The following RBMS3 variants were observed in gnomAD, a reference collection of about 807,000 sequenced individuals.
RBMS3 encodes the protein RNA binding motif single stranded interacting protein 3, also known as RNA-binding motif, single-stranded-interacting protein 3.
A neutral mutation model predicts 66.8 loss-of-function variants in RBMS3; 27 were observed. That is an observed-to-expected ratio of 0.40 (90% CI 0.30 to 0.56). The LOEUF (loss-of-function observed/expected upper bound fraction) is 0.56, where lower values mean the gene tolerates loss of function less well. Ranked by LOEUF, RBMS3 falls within the 20% of genes least tolerant of loss-of-function variation. The probability of loss-of-function intolerance (pLI) is 0.40; values close to 1 mark genes in which losing one functional copy is unlikely to be tolerated. For missense variants in RBMS3, 513 were observed against 549.5 expected (o/e 0.93, Z 0.66); for synonymous variants, 188 against 183.0 (o/e 1.03, Z -0.22).
intron 6 of RBMS3, among the ~76,000 whole-genome samples, chr3:29,788,093 G>A (rs61154916): frequency 1.3e-5 from 2 of 151,738 alleles, no homozygotes; most frequent in African/African-American, 4.8e-5. Flanking sequence ...TCCAGAGGCT[G>A]CTCCTGAATC....
At chr3:29,978,461 C>G (rs771420877) in intron 12 of RBMS3, among the ~76,000 whole-genome samples, 44 of 151,018 alleles carry the variant, frequency 2.9e-4, no homozygotes, top group Non-Finnish European at 5.9e-4. Context: ...AAAAAGCAAG[C>G]AGAAAGATTT....
intron 4 of RBMS3, among the ~76,000 whole-genome samples, chr3:29,734,300 C>A (rs558260551): frequency 1.3e-5 from 2 of 152,148 alleles, no homozygotes; most frequent in South Asian, 4.2e-4. Flanking sequence ...AAAATTACAG[C>A]TAGTGAGGAT....
chr3:29,936,636 T>C (rs2061272058), intron 11 of RBMS3, among the ~76,000 whole-genome samples: 2 of 151,994 alleles, frequency 1.3e-5, no homozygotes, highest in South Asian at 4.1e-4. Context: ...CAATAAAGAG[T>C]AATTGAGGTA....
intron 1 of RBMS3, among the ~76,000 whole-genome samples, chr3:29,323,691 TACACACACACACACAC>T (rs10565045): frequency 1.4e-5 from 2 of 144,270 alleles, no homozygotes; most frequent in African/African-American, 2.5e-5. Flanking sequence ...CACACACACA[TACACACACACACACAC>T]ACACACACAC....
chr3:29,445,271 A>AGAAG (rs2041782781), intron 2 of RBMS3, among the ~76,000 whole-genome samples: 1 of 152,038 alleles, frequency 6.6e-6, no homozygotes, highest in Non-Finnish European at 1.5e-5. Context: ...CTGAGGTGAA[A>AGAAG]GAAGGAAGGT....
chr3:29,871,527 G>C (rs2059491236), intron 7 of RBMS3, among the ~76,000 whole-genome samples: 2 of 152,186 alleles, frequency 1.3e-5, no homozygotes, highest in African/African-American at 4.8e-5. Context: ...ACTTTATAAA[G>C]AGATCATTTG....
intron 5 of RBMS3, among the ~76,000 whole-genome samples, chr3:29,749,075 G>A (rs1487119585): frequency 6.6e-6 from 1 of 152,060 alleles, no homozygotes; most frequent in East Asian, 1.9e-4. Flanking sequence ...AACAGTGAGA[G>A]ATACATATTG....
rs1266737851 is a variant in RBMS3 at position 29,308,765 on chromosome 3, A to C, written c.75+27009A>C. 2.1e-3 allele frequency among the ~76,000 whole-genome samples: 320 copies of C among 149,520 alleles called. 4 individuals carry two copies. Among genetic ancestry groups the C allele is most frequent in the African/African-American group, 7.3e-3 (298 of 40,772 alleles). The stretch of plus-strand genomic sequence containing the variant: ...AAAAAACAAAAAAAAACAAAAAAAA[A>C]AACGGGAAAGTAAAACTGGGAAAGA... On this transcript the variant is annotated intron_variant, in intron 1 of 14. Coordinates refer to ENST00000383767, the MANE Select transcript of RBMS3 (RefSeq NM_001003793.3).
At chr3:29,962,462 G>T (rs1696535299) in intron 12 of RBMS3, among the ~76,000 whole-genome samples, 1 of 151,604 alleles carries the variant, frequency 6.6e-6, no homozygotes, top group Admixed American at 6.6e-5. Flanking sequence ...GAGGTGGGGT[G>T]TATGGGTATG....
chr3:29,718,387 G>C (rs551940131), intron 4 of RBMS3, among the ~76,000 whole-genome samples: 119 of 151,930 alleles, frequency 7.8e-4, no homozygotes, highest in African/African-American at 2.7e-3. Flanking sequence ...AGTTTATTTA[G>C]GAAGTGATCC....
intron 7 of RBMS3, among the ~76,000 whole-genome samples, chr3:29,869,405 G>A (rs1192782080): frequency 1.3e-5 from 2 of 152,128 alleles, no homozygotes; most frequent in East Asian, 3.9e-4. Context: ...ACTTGCACAT[G>A]TATGTATATT....
At position 29,644,050 on chromosome 3, in the gene RBMS3, A is replaced by C. The variant is rs1351891046; in HGVS notation, c.399+56845A>C. Among the ~76,000 whole-genome samples the C allele has an allele frequency of 2.0e-5, 3 of 152,278 alleles. No homozygotes were observed. The East Asian group carries it at 5.8e-4, about 29-fold the overall frequency. On this transcript the variant is annotated intron_variant, in intron 4 of 14. Coordinates refer to ENST00000383767, the MANE Select transcript of RBMS3 (RefSeq NM_001003793.3). Reference sequence around the variant, plus strand: ...CCGCTTCTACCCCCAGCTTTCAAACATTTCTCCAGCTTCTCATAATCACAG... The same window carrying C: ...CCGCTTCTACCCCCAGCTTTCAAACCTTTCTCCAGCTTCTCATAATCACAG...
At chr3:29,908,299 G>A (rs777767519) in intron 10 of RBMS3, among the ~76,000 whole-genome samples, 3 of 151,838 alleles carry the variant, frequency 2.0e-5, no homozygotes, top group Admixed American at 6.6e-5. Context: ...GTATGATCAT[G>A]ATCATGAAGA....
intron 1 of RBMS3, among the ~76,000 whole-genome samples, chr3:29,308,469 A>G (rs2034155327): frequency 1.3e-5 from 2 of 151,774 alleles, no homozygotes. Flanking sequence ...CTAAATCACT[A>G]AATGGTTTTA....
chr3:29,306,765 G>C (rs2034041134), intron 1 of RBMS3, among the ~76,000 whole-genome samples: 1 of 151,768 alleles, frequency 6.6e-6, no homozygotes. Context: ...GGCTCTATCT[G>C]CTTGACTTTG....
rs145031649 is a variant in RBMS3 at position 29,941,189 on chromosome 3, A to G, written c.1051-3018A>G. Among the ~76,000 whole-genome samples, 408 of 151,976 alleles carry G rather than the reference A, an allele frequency of 2.7e-3. 5 individuals carry two copies. The highest frequency in any genetic ancestry group is 8.1e-3 in the African/African-American group (336 of 41,512). On this transcript the variant is annotated intron_variant, in intron 11 of 14. Coordinates refer to ENST00000383767, the MANE Select transcript of RBMS3 (RefSeq NM_001003793.3). ...TTCCACAGTGTAACCATAGTCACTC[A>G]CAAAAATAACCTTGTAATTGTACTC...
chr3:29,686,927 G>C (rs1467092587), intron 4 of RBMS3, among the ~76,000 whole-genome samples: 2 of 152,118 alleles, frequency 1.3e-5, no homozygotes, highest in African/African-American at 2.4e-5. Context: ...GGTCCTGCTA[G>C]CCTTAGTAAA....
intron 3 of RBMS3, among the ~76,000 whole-genome samples, chr3:29,583,902 C>T (rs2047419015): frequency 6.6e-6 from 1 of 152,076 alleles, no homozygotes; most frequent in Admixed American, 6.6e-5. Context: ...GAAATAGACA[C>T]ACACACACAC....
At chr3:29,356,581 A>T (rs952506107) in intron 1 of RBMS3, among the ~76,000 whole-genome samples, 2 of 152,206 alleles carry the variant, frequency 1.3e-5, no homozygotes, top group Non-Finnish European at 2.9e-5. Flanking sequence ...CATTCTTGCC[A>T]AATGTGCATA....
Sources: gnomAD v4.1 joint callset for allele counts (sites outside exome capture counted in the v4.1 genomes callset) on GRCh38, gnomAD v4.1.1 for gene constraint, MANE v1.5 for transcripts, NCBI Gene and HGNC (gene_info 2026-07-23, HGNC 2026-07-21) for gene names.